Variants in WDFY2 observed in about 807,000 individuals in gnomAD.
The protein encoded by WDFY2 is WD repeat and FYVE domain containing 2, also known as WD repeat and FYVE domain-containing protein 2.
WDFY2 carries 36 observed loss-of-function variants against 56.4 expected under a neutral mutation model. The ratio of observed to expected loss-of-function variants is 0.64; its 90% CI spans 0.49 to 0.84. The LOEUF is 0.84. Among genes scored for constraint, WDFY2 ranks in the 40% least tolerant of loss-of-function variants. WDFY2 has a pLI of 0.00. For missense variants in WDFY2, 444 were observed against 512.2 expected, an observed-to-expected ratio of 0.87 and a Z score of 1.29; for synonymous variants, 176 against 183.7, an observed-to-expected ratio of 0.96 and a Z score of 0.34.
chr13:51,673,253 A>G (rs1039389045), intron 2 of WDFY2, among the ~76,000 whole-genome samples: 9 of 152,182 alleles, frequency 5.9e-5, no homozygotes, highest in African/African-American at 9.7e-5. Context: ...ATCACATTCA[A>G]ATTTCAGTGG....
At chr13:51,657,501 A>G (rs1474178513) in intron 1 of WDFY2, among the ~76,000 whole-genome samples, 2 of 152,136 alleles carry the variant, frequency 1.3e-5, no homozygotes, top group Non-Finnish European at 1.5e-5. Flanking sequence ...TTTATCTGAG[A>G]ATGTCTTAAT....
At chr13:51,622,509 A>G (rs1954751774) in intron 1 of WDFY2, among the ~76,000 whole-genome samples, 7 of 152,236 alleles carry the variant, frequency 4.6e-5, no homozygotes, top group Admixed American at 4.6e-4. Context: ...CTCTAATTGC[A>G]TTAACCATCT....
intron 1 of WDFY2, among the ~76,000 whole-genome samples, chr13:51,595,320 G>A (rs1954124579): frequency 6.6e-6 from 1 of 152,160 alleles, no homozygotes. Context: ...TTATAAACTG[G>A]CAACTAGCAG....
rs983495677 is a variant in WDFY2 at position 51,763,813 on chromosome 13, A to G, written c.*4044A>G. The G allele has an allele frequency of 5.9e-5, 9 of 152,316 alleles. No homozygotes were observed. Among genetic ancestry groups the G allele is most frequent in the South Asian group, 2.1e-4 (1 of 4,826 alleles). 9.4% of individuals were successfully genotyped at this position (152,316 alleles called of 1,614,324 possible). A position where few individuals can be genotyped will look rare whatever the true frequency, so the allele number is the denominator to read the frequency against. ...GCCCTGAATAAATAAACAAAAGTAT[A>G]ATTTATTTTTGCCTGATATTAATCA... On this transcript the variant is annotated 3_prime_UTR_variant, in exon 12 of 12. Coordinates refer to ENST00000298125, the MANE Select transcript of WDFY2 (RefSeq NM_052950.4).
chr13:51,677,093 TA>T (rs1212509997), intron 3 of WDFY2, among the ~76,000 whole-genome samples: 4 of 152,232 alleles, frequency 2.6e-5, no homozygotes, highest in Non-Finnish European at 4.4e-5. Flanking sequence ...TCTAGCTATT[TA>T]TTGTATATAA....
At chr13:51,608,680 A>ACAAAAG (rs1555303247) in intron 1 of WDFY2, among the ~76,000 whole-genome samples, 4 of 152,102 alleles carry the variant, frequency 2.6e-5, no homozygotes, top group Non-Finnish European at 5.9e-5. Context: ...GACTGTCTTA[A>ACAAAAG]AAAAAGAAAA....
At chr13:51,661,680 A>T (rs1410935426) in intron 2 of WDFY2, among the ~76,000 whole-genome samples, 1 of 152,256 alleles carries the variant, frequency 6.6e-6, no homozygotes, top group Non-Finnish European at 1.5e-5. Flanking sequence ...TAATAATTTT[A>T]AATGATTTTC....
chr13:51,684,980 T>C lies in WDFY2; in HGVS notation c.279+9737T>C, dbSNP rs146390741. On this transcript the variant is annotated intron_variant, in intron 3 of 11. Transcript: ENST00000298125. ...TTTAGAAAAATGAAGCTCCAAGCCCTTCATTCTCCCCACTTGGTCAGTCTC... is the reference window on the plus strand; with the variant it reads ...TTTAGAAAAATGAAGCTCCAAGCCCCTCATTCTCCCCACTTGGTCAGTCTC... 3.0e-3 allele frequency among the ~76,000 whole-genome samples: 460 copies of C among 152,294 alleles called. 3 individuals carry two copies. The highest frequency in any genetic ancestry group is 0.011 in the African/African-American group (438 of 41,568).
At chr13:51,702,394 C>T (rs1420213231) in intron 3 of WDFY2, among the ~76,000 whole-genome samples, 1 of 151,858 alleles carries the variant, frequency 6.6e-6, no homozygotes, top group African/African-American at 2.4e-5. Context: ...TAGTGCCACT[C>T]CTTGAAGAAA....
At chr13:51,629,202 A>C (rs1280223519) in intron 1 of WDFY2, among the ~76,000 whole-genome samples, 2 of 152,214 alleles carry the variant, frequency 1.3e-5, no homozygotes, top group Non-Finnish European at 2.9e-5. Context: ...ACCATGAAGC[A>C]CACCAAGTGG....
At chr13:51,662,359 G>T (rs1210341778) in intron 2 of WDFY2, among the ~76,000 whole-genome samples, 1 of 152,110 alleles carries the variant, frequency 6.6e-6, no homozygotes, top group East Asian at 1.9e-4. Context: ...AGAGATGAGG[G>T]AGGGCTGTAA....
rs56054205 is a variant in WDFY2, at chr13:51,707,939, C to CTTTTTTTTTTTTTTTTTT, written c.334+4304_334+4321dup. On this transcript the variant is annotated intron_variant, in intron 4 of 11. Transcript: ENST00000298125. ...ATATATACTATTAACCCTAAAACAA[C>CTTTTTTTTTTTTTTTTTT]TTTTTTTTTTTTTTTTTTTTTTTTT... 1.9e-4 allele frequency among the ~76,000 whole-genome samples: 11 copies of CTTTTTTTTTTTTTTTTTT among 57,570 alleles called. 3 individuals are homozygous for CTTTTTTTTTTTTTTTTTT. Among genetic ancestry groups the CTTTTTTTTTTTTTTTTTT allele is most frequent in the African/African-American group, 3.6e-4 (5 of 13,980 alleles). 37.8% of individuals were successfully genotyped at this position (57,570 alleles called of 152,430 possible). A position where few individuals can be genotyped will look rare whatever the true frequency, so the allele number is the denominator to read the frequency against.
intron 7 of WDFY2, among the ~76,000 whole-genome samples, chr13:51,746,948 G>A (rs1362628066): frequency 6.6e-6 from 1 of 152,342 alleles, no homozygotes; most frequent in East Asian, 1.9e-4. Context: ...AGACTAAAAA[G>A]GGTCCAGAAA....
At chr13:51,602,543 C>T (rs752883727) in intron 1 of WDFY2, among the ~76,000 whole-genome samples, 4 of 152,210 alleles carry the variant, frequency 2.6e-5, no homozygotes, top group Non-Finnish European at 5.9e-5. Flanking sequence ...TGCTCTTAAT[C>T]TTTTTCTTCT....
Position 51,645,213 on chromosome 13 carries a change from G to A in WDFY2, c.138-15383G>A, listed in dbSNP as rs182577550. 4.0e-5 allele frequency among the ~76,000 whole-genome samples: 6 copies of A among 151,500 alleles called. No individual in the cohort carries two copies. The East Asian group carries it at 1.2e-3, about 29-fold the overall frequency. Reference sequence around the variant, plus strand: ...CTCAAAGTTTTTCTATTAGTTTGCAGATCGCTAGGGGCTGCCTTCCTTCTG... The same window carrying A: ...CTCAAAGTTTTTCTATTAGTTTGCAAATCGCTAGGGGCTGCCTTCCTTCTG... On this transcript the variant is annotated intron_variant, in intron 1 of 11. Transcript: ENST00000298125.
intron 3 of WDFY2, among the ~76,000 whole-genome samples, chr13:51,690,120 A>G (rs1175039246): frequency 6.6e-6 from 1 of 151,566 alleles, no homozygotes. Context: ...AACATGTAAT[A>G]CATTTGCTAT....
At chr13:51,739,019 A>T in intron 6 of WDFY2, 30 bp from the exon 7 acceptor site, 2 of 1,530,286 alleles carry the variant, frequency 1.3e-6, no homozygotes, top group Non-Finnish European at 1.8e-6. Flanking sequence ...TTACCTTGTG[A>T]CTGATGTCTG....
At chr13:51,700,514 A>C (rs761926380) in intron 3 of WDFY2, among the ~76,000 whole-genome samples, 1 of 152,218 alleles carries the variant, frequency 6.6e-6, no homozygotes, top group African/African-American at 2.4e-5. Context: ...GGCCATGTCT[A>C]TCAAAATTTC....
intron 1 of WDFY2, among the ~76,000 whole-genome samples, chr13:51,610,637 A>G (rs1268070319): frequency 6.6e-6 from 1 of 152,224 alleles, no homozygotes; most frequent in Admixed American, 6.5e-5. Context: ...TGTAACATTT[A>G]CTTGTAAGAC....
Sources: allele counts gnomAD v4.1 joint callset (sites outside exome capture counted in the v4.1 genomes callset), GRCh38; gene constraint gnomAD v4.1.1; transcripts MANE v1.5; gene names NCBI Gene and HGNC (gene_info 2026-07-23, HGNC 2026-07-21).